The following FGF12 variants were observed in gnomAD, a reference collection of about 807,000 sequenced individuals.
FGF12 encodes the protein fibroblast growth factor 12.
Under a neutral mutation model 23.6 loss-of-function variants are expected in FGF12, and 14 were observed. The observed-to-expected ratio is 0.59, with a 90% CI of 0.39 to 0.93. FGF12 has a LOEUF of 0.93. Ranked by LOEUF, FGF12 falls within the 40% of genes least tolerant of loss-of-function variation. The probability of loss-of-function intolerance (pLI) is 0.00; values close to 1 mark genes in which losing one functional copy is unlikely to be tolerated. For synonymous variants in FGF12, 62 were observed against 77.3 expected, an observed-to-expected ratio of 0.80 and a Z score of 1.04; for missense variants, 175 against 217.8, an observed-to-expected ratio of 0.80 and a Z score of 1.24.
chr3:192,700,646 A>G (rs1718261120), intron 2 of FGF12, among the ~76,000 whole-genome samples: 1 of 152,206 alleles, frequency 6.6e-6, no homozygotes, highest in African/African-American at 2.4e-5. Flanking sequence ...AACCAGAAAT[A>G]AAATTCTAAG....
At chr3:192,555,630 CAAAAA>C (rs11289130) in intron 2 of FGF12, among the ~76,000 whole-genome samples, 4 of 84,034 alleles carry the variant, frequency 4.8e-5, no homozygotes, top group East Asian at 3.6e-4. Flanking sequence ...TAAAAAGTAC[CAAAAA>C]AAAAAAAAAA....
chr3:192,454,998 A>G (rs1000457356), intron 2 of FGF12, among the ~76,000 whole-genome samples: 4 of 152,140 alleles, frequency 2.6e-5, no homozygotes, highest in Non-Finnish European at 5.9e-5. Flanking sequence ...TGGGGAGAAT[A>G]CTTTTTTAAA....
At chr3:192,374,008 AAC>A (rs1719361153) in intron 2 of FGF12, among the ~76,000 whole-genome samples, 2 of 152,210 alleles carry the variant, frequency 1.3e-5, no homozygotes, top group African/African-American at 4.8e-5. Flanking sequence ...AAAAATTGAA[AAC>A]AGTTTCCCAT....
chr3:192,363,001 T>C (rs1439703143), intron 2 of FGF12, among the ~76,000 whole-genome samples: 1 of 149,276 alleles, frequency 6.7e-6, no homozygotes, highest in Non-Finnish European at 1.5e-5. Flanking sequence ...CTTTAAGAAG[T>C]CACCACATGT....
chr3:192,452,501 T>A (rs1265070196), intron 2 of FGF12, among the ~76,000 whole-genome samples: 1 of 152,158 alleles, frequency 6.6e-6, no homozygotes, highest in Non-Finnish European at 1.5e-5. Context: ...AGTAACAGGG[T>A]TCTATTGGTC....
chr3:192,494,841 CATATAT>C (rs60656064), intron 2 of FGF12, among the ~76,000 whole-genome samples: 5 of 150,202 alleles, frequency 3.3e-5, no homozygotes, highest in African/African-American at 4.9e-5. Flanking sequence ...AGGGCCTATG[CATATAT>C]ATATATATAT....
In FGF12 at chr3:192,596,054, C is replaced by T. The variant is rs533041708; in HGVS notation, c.13+131127G>A. ...GTTGCAGTTAGCCGATATTGTACCA[C>T]TGTACTCCAGCCTGGTGACACAGCC... On this transcript the variant is annotated intron_variant, in intron 2 of 5. Coordinates refer to ENST00000445105, the MANE Select transcript of FGF12 (RefSeq NM_004113.6). Among the ~76,000 whole-genome samples, 12 of 144,944 alleles carry T rather than the reference C, an allele frequency of 8.3e-5. No individual in the cohort carries two copies. The South Asian group carries it at 2.3e-3, about 28-fold the overall frequency.
chr3:192,474,829 A>T (rs1355260989), intron 2 of FGF12, among the ~76,000 whole-genome samples: 3 of 151,676 alleles, frequency 2.0e-5, no homozygotes, highest in East Asian at 3.9e-4. Context: ...AGGTTGCAGT[A>T]AGCTGAGATC....
Position 192,220,429 on chromosome 3 carries a change from A to C in FGF12, c.229-49773T>G, listed in dbSNP as rs76374796. ...CAACTTATGCTTTCATTCCACTTGG[A>C]TTGACCAAACTTTGTCTTCTGTTAC... On this transcript the variant is annotated intron_variant, in intron 4 of 5. Coordinates refer to ENST00000445105, the MANE Select transcript of FGF12 (RefSeq NM_004113.6). Among the ~76,000 whole-genome samples, 105 of 152,250 alleles carry C rather than the reference A, an allele frequency of 6.9e-4. No homozygotes were observed. In the East Asian group the frequency reaches 0.015, roughly 22 times the overall value.
chr3:192,646,098 T>C (rs761927933), intron 2 of FGF12, among the ~76,000 whole-genome samples: 2 of 152,134 alleles, frequency 1.3e-5, no homozygotes, highest in Non-Finnish European at 2.9e-5. Context: ...GTATTCAAGA[T>C]ACTGAAAAGG....
intron 2 of FGF12, among the ~76,000 whole-genome samples, chr3:192,364,133 A>C (rs1160913627): frequency 1.3e-5 from 2 of 152,192 alleles, no homozygotes; most frequent in Non-Finnish European, 2.9e-5. Context: ...CACACAAAAC[A>C]TCACAACTCT....
intron 4 of FGF12, among the ~76,000 whole-genome samples, chr3:192,235,604 G>C (rs1441654529): frequency 6.6e-6 from 1 of 152,272 alleles, no homozygotes; most frequent in East Asian, 1.9e-4. Flanking sequence ...TTACAGGCGT[G>C]AGCCACTGCA....
At chr3:192,593,890 T>C (rs1440473754) in intron 2 of FGF12, among the ~76,000 whole-genome samples, 3 of 151,916 alleles carry the variant, frequency 2.0e-5, no homozygotes, top group Non-Finnish European at 4.4e-5. Flanking sequence ...ATCCTCAAAT[T>C]GCATTACTCT....
chr3:192,690,586 CAAAA>C (rs35837229), intron 2 of FGF12, among the ~76,000 whole-genome samples: 495 of 92,104 alleles, frequency 5.4e-3, no homozygotes, highest in African/African-American at 0.018. Context: ...CACAACACTA[CAAAA>C]AAAAAAAAAA....
intron 2 of FGF12, among the ~76,000 whole-genome samples, chr3:192,683,401 T>C (rs1439323372): frequency 2.0e-5 from 3 of 152,224 alleles, no homozygotes; most frequent in African/African-American, 7.2e-5. Flanking sequence ...CAAGTGCTCC[T>C]TGGCTTACAG....
At chr3:192,203,170 C>T (rs907443711) in intron 4 of FGF12, among the ~76,000 whole-genome samples, 1 of 151,366 alleles carries the variant, frequency 6.6e-6, no homozygotes, top group Non-Finnish European at 1.5e-5. Context: ...TACATGCACA[C>T]TAGGTAAAAA....
intron 3 of FGF12, among the ~76,000 whole-genome samples, chr3:192,344,513 T>A (rs1035451588): frequency 6.6e-6 from 1 of 152,198 alleles, no homozygotes; most frequent in Non-Finnish European, 1.5e-5. Flanking sequence ...TCCTATTTTA[T>A]AAGCAATTGG....
chr3:192,367,357 A>T (rs1416231622), intron 2 of FGF12, among the ~76,000 whole-genome samples: 1 of 152,150 alleles, frequency 6.6e-6, no homozygotes, highest in African/African-American at 2.4e-5. Flanking sequence ...TTGTCCACTT[A>T]AGGGAAATGA....
At chr3:192,192,954 T>G (rs1243692728) in intron 4 of FGF12, among the ~76,000 whole-genome samples, 4 of 152,186 alleles carry the variant, frequency 2.6e-5, no homozygotes, top group African/African-American at 9.7e-5. Context: ...TAAGCAGCAG[T>G]GTCAAGAATA....
Sources: allele counts gnomAD v4.1 joint callset (sites outside exome capture counted in the v4.1 genomes callset), GRCh38; gene constraint gnomAD v4.1.1; transcripts MANE v1.5; gene names NCBI Gene and HGNC (gene_info 2026-07-23, HGNC 2026-07-21).